The following ERC2 variants were observed in gnomAD, a reference collection of about 807,000 sequenced individuals.
ERC2 encodes the protein ERC protein 2.
ERC2 carries 42 observed loss-of-function variants against 114.8 expected under a neutral mutation model. That is an observed-to-expected ratio of 0.37 (90% confidence interval 0.29 to 0.47). ERC2 has a LOEUF of 0.47. ERC2 is among the 20% of genes least tolerant of loss of function. ERC2 has a pLI of 0.99. For synonymous variants in ERC2, 454 were observed against 425.5 expected, an observed-to-expected ratio of 1.07 and a Z score of -0.82; for missense variants, 939 against 1,150.7, an observed-to-expected ratio of 0.82 and a Z score of 2.66.
At chr3:55,669,939 T>G (rs994913472) in intron 17 of ERC2, among the ~76,000 whole-genome samples, 4 of 152,198 alleles carry the variant, frequency 2.6e-5, no homozygotes, top group Non-Finnish European at 4.4e-5. Flanking sequence ...TACAGAGATA[T>G]TGACGTGGCA....
In ERC2 at chr3:56,145,636, G is replaced by C. The variant is rs1439838905; in HGVS notation, c.1305+3341C>G. Among the ~76,000 whole-genome samples, 4 of 152,246 alleles carry C rather than the reference G, an allele frequency of 2.6e-5. 1 individual carries two copies. Among genetic ancestry groups the C allele is most frequent in the Admixed American group, 2.6e-4 (4 of 15,296 alleles). On this transcript the variant is annotated intron_variant, in intron 5 of 17. Coordinates refer to ENST00000288221, the MANE Select transcript of ERC2 (RefSeq NM_015576.3). ...TCAGAGACAATGTTCATGTGCCAAA[G>C]GACTTGCAAGATGCCAGGATTTCTA...
At chr3:56,224,257 A>G (rs926135583) in intron 3 of ERC2, among the ~76,000 whole-genome samples, 1 of 152,178 alleles carries the variant, frequency 6.6e-6, no homozygotes, top group Admixed American at 6.5e-5. Flanking sequence ...ACTACTAGGA[A>G]TTTGTCCAGT....
rs374398039 is a variant in ERC2 at position 56,303,387 on chromosome 3, C to A, written c.658-6952G>T. On this transcript the variant is annotated intron_variant, in intron 2 of 17. Coordinates refer to ENST00000288221, the MANE Select transcript of ERC2 (RefSeq NM_015576.3). ...ATGACTCATCTGTGCATTAAAAATA[C>A]GCAAATGGAAGGGGAGATAAATAGC... 2.0e-5 allele frequency among the ~76,000 whole-genome samples: 3 copies of A among 152,138 alleles called. No homozygotes were observed. In the East Asian group the frequency reaches 5.8e-4, roughly 29 times the overall value.
In ERC2 at chr3:56,248,464, C is replaced by G. The variant is rs2051877437; in HGVS notation, c.1074+47555G>C. Among the ~76,000 whole-genome samples the G allele has an allele frequency of 2.6e-5, 4 of 152,274 alleles. No individual in the cohort carries two copies. In the South Asian group the frequency reaches 8.3e-4, roughly 32 times the overall value. ...TGTATTGATATGCTGCACGGTCTTCCTATTTATAATCAACATTCAAGATCG... is the reference window on the plus strand; with the variant it reads ...TGTATTGATATGCTGCACGGTCTTCGTATTTATAATCAACATTCAAGATCG... On this transcript the variant is annotated intron_variant, in intron 3 of 17. Transcript: ENST00000288221.
intron 3 of ERC2, among the ~76,000 whole-genome samples, chr3:56,213,838 C>T (rs6445773): frequency 0.45 from 68,944 of 151,916 alleles, 16,112 homozygotes; most frequent in East Asian, 0.71. Context: ...ACAGCAACAT[C>T]TGCTGTTCAG....
chr3:56,083,484 G>A (rs1471390489), intron 6 of ERC2, among the ~76,000 whole-genome samples: 1 of 152,032 alleles, frequency 6.6e-6, no homozygotes, highest in Non-Finnish European at 1.5e-5. Context: ...GTTACCTGGT[G>A]TACAAAATTG....
At chr3:56,225,748 T>C (rs1293166722) in intron 3 of ERC2, among the ~76,000 whole-genome samples, 1 of 152,174 alleles carries the variant, frequency 6.6e-6, no homozygotes, top group Non-Finnish European at 1.5e-5. Flanking sequence ...ACAGGTGTGT[T>C]CCTGGTACTC....
intron 4 of ERC2, among the ~76,000 whole-genome samples, chr3:56,163,688 CT>C (rs889166039): frequency 2.6e-5 from 4 of 151,930 alleles, no homozygotes; most frequent in African/African-American, 9.7e-5. Context: ...ACCCCTGCTC[CT>C]TTTTTGTTTG....
At chr3:56,319,908 A>G (rs1454504184) in intron 2 of ERC2, among the ~76,000 whole-genome samples, 1 of 152,262 alleles carries the variant, frequency 6.6e-6, no homozygotes, top group East Asian at 1.9e-4. Flanking sequence ...TGAAGAGATC[A>G]TGACTAAAAA....
In ERC2 at chr3:56,021,572, T is replaced by C. The variant is rs1428812222; in HGVS notation, c.1642-2541A>G. On this transcript the variant is annotated intron_variant, in intron 7 of 17. Transcript: ENST00000288221. ...ATTTATTTATTTTTTTAATGGGAGC[T>C]AAATTTTTTAATTTTAGGTTTGGGG... Among the ~76,000 whole-genome samples the C allele has an allele frequency of 2.0e-5, 3 of 148,168 alleles. No individual in the cohort carries two copies. The East Asian group carries it at 5.9e-4, about 29-fold the overall frequency.
intron 7 of ERC2, among the ~76,000 whole-genome samples, chr3:56,021,632 T>A (rs997338455): frequency 2.6e-5 from 4 of 152,090 alleles, no homozygotes; most frequent in African/African-American, 9.7e-5. Flanking sequence ...AATAAACACG[T>A]GTCAAGGGGG....
chr3:55,623,387 G>A (rs564505458), intron 17 of ERC2, among the ~76,000 whole-genome samples: 1 of 152,328 alleles, frequency 6.6e-6, no homozygotes, highest in South Asian at 2.1e-4. Context: ...GTCATGTTAA[G>A]TATAGTGAAC....
At chr3:55,692,316 T>C (rs2062709546) in intron 16 of ERC2, among the ~76,000 whole-genome samples, 1 of 152,140 alleles carries the variant, frequency 6.6e-6, no homozygotes. Flanking sequence ...TGTTGGACTG[T>C]GAGGCCCCAC....
chr3:55,674,270 C>A (rs1229121653), intron 17 of ERC2, among the ~76,000 whole-genome samples: 1 of 152,156 alleles, frequency 6.6e-6, no homozygotes, highest in Non-Finnish European at 1.5e-5. Flanking sequence ...TGAACTTGGT[C>A]TGTGAGGCTC....
At chr3:56,263,299 A>G (rs1391783720) in intron 3 of ERC2, among the ~76,000 whole-genome samples, 2 of 152,052 alleles carry the variant, frequency 1.3e-5, no homozygotes, top group African/African-American at 2.4e-5. Flanking sequence ...CCATGAAAAA[A>G]AAAAGTGTTT....
intron 1 of ERC2, among the ~76,000 whole-genome samples, chr3:56,445,841 C>T (rs985454542): frequency 6.6e-6 from 1 of 152,218 alleles, no homozygotes; most frequent in Admixed American, 6.5e-5. Flanking sequence ...CAATAGCATA[C>T]CCTCTACAAG....
intron 6 of ERC2, among the ~76,000 whole-genome samples, chr3:56,117,607 G>A (rs930022890): frequency 6.6e-6 from 1 of 152,348 alleles, no homozygotes; most frequent in East Asian, 1.9e-4. Flanking sequence ...CCTCAAGGGG[G>A]TGTTGTGAAA....
intron 5 of ERC2, among the ~76,000 whole-genome samples, chr3:56,148,507 G>C (rs1011208623): frequency 6.6e-6 from 1 of 152,176 alleles, no homozygotes. Context: ...GGCCGGTCTC[G>C]AACTCCTGAC....
intron 1 of ERC2, among the ~76,000 whole-genome samples, chr3:56,451,862 C>T (rs544340909): frequency 1.3e-5 from 2 of 152,294 alleles, no homozygotes; most frequent in African/African-American, 2.4e-5. Context: ...ACATTAACAA[C>T]TCTAATTGTT....
Sources: gnomAD v4.1 joint callset for allele counts (sites outside exome capture counted in the v4.1 genomes callset) on GRCh38, gnomAD v4.1.1 for gene constraint, MANE v1.5 for transcripts, NCBI Gene and HGNC (gene_info 2026-07-23, HGNC 2026-07-21) for gene names.